CSPP1: variants seen among roughly 807,000 people sequenced by gnomAD.
The protein encoded by CSPP1 is centrosome and spindle pole associated protein 1.
CSPP1 carries 126 observed loss-of-function variants against 164.4 expected under a neutral mutation model. The ratio of observed to expected loss-of-function variants is 0.77; its 90% CI spans 0.66 to 0.89. The LOEUF (loss-of-function observed/expected upper bound fraction) is 0.89. Ranked by LOEUF, CSPP1 falls within the 40% of genes least tolerant of loss-of-function variation. The pLI is 0.00. For missense variants in CSPP1, 1,395 were observed against 1,449.8 expected (o/e 0.96, Z 0.61); for synonymous variants, 472 against 476.7 (o/e 0.99, Z 0.13).
At chr8:67,101,315 G>T (rs1814066711) in intron 7 of CSPP1, among the ~76,000 whole-genome samples, 1 of 152,140 alleles carries the variant, frequency 6.6e-6, no homozygotes, top group African/African-American at 2.4e-5. Flanking sequence ...GCTCTTATCA[G>T]TTCTGCCAGT....
intron 3 of CSPP1, among the ~76,000 whole-genome samples, chr8:67,078,974 TAA>T (rs539954750): frequency 1.3e-5 from 2 of 150,480 alleles, no homozygotes; most frequent in Admixed American, 6.6e-5. Flanking sequence ...TCCATCTCAA[TAA>T]AAAAAAAGAG....
At chr8:67,140,869 G>T (rs1486151842) in intron 17 of CSPP1, among the ~76,000 whole-genome samples, 1 of 152,098 alleles carries the variant, frequency 6.6e-6, no homozygotes, top group East Asian at 1.9e-4. Context: ...GATTTTGTTG[G>T]GGCCTGGCCT....
intron 7 of CSPP1, among the ~76,000 whole-genome samples, chr8:67,098,362 T>C (rs1813281567): frequency 6.6e-6 from 1 of 151,128 alleles, no homozygotes; most frequent in Admixed American, 6.6e-5. Flanking sequence ...AATAATTTTT[T>C]ATTTTTGGTT....
chr8:67,186,419 A>T (rs1235387729), intron 28 of CSPP1, among the ~76,000 whole-genome samples: 4 of 23,186 alleles, frequency 1.7e-4, no homozygotes, highest in Admixed American at 3.4e-4. Context: ...GTTTTAAATT[A>T]AAAAAAAAAA....
At chr8:67,069,243 G>T (rs1806210530) in intron 1 of CSPP1, 1 of 152,082 alleles carries the variant, frequency 6.6e-6, no homozygotes, top group Non-Finnish European at 1.5e-5. Flanking sequence ...TAGTGTCTTT[G>T]ACTCTTTAAT....
intron 4 of CSPP1, among the ~76,000 whole-genome samples, chr8:67,088,378 C>A (rs978007771): frequency 6.6e-6 from 1 of 151,704 alleles, no homozygotes; most frequent in African/African-American, 2.4e-5. Context: ...ATCTCAGCCT[C>A]CTGGGTTCAA....
At chr8:67,122,320 C>G (rs72654947) in intron 15 of CSPP1, among the ~76,000 whole-genome samples, 7,733 of 151,864 alleles carry the variant, frequency 0.051, 258 homozygotes, top group Non-Finnish European at 0.073. Context: ...AGATGAAAAT[C>G]TAGATTATTG....
intron 29 of CSPP1, among the ~76,000 whole-genome samples, chr8:67,191,508 A>C (rs1039841385): frequency 2.0e-5 from 3 of 152,214 alleles, no homozygotes; most frequent in Non-Finnish European, 4.4e-5. Context: ...TTTTCTGGAC[A>C]TTTCGTATAA....
Position 67,078,959 on chromosome 8 carries a change from G to A in CSPP1, c.199+2378G>A, listed in dbSNP as rs561047883. ...TGCACTCCAGCCTGGGTGACAGAGA[G>A]AGACTCCATCTCAATAAAAAAAAAG... is the stretch of plus-strand genomic sequence containing the variant. On this transcript the variant is annotated intron_variant, in intron 3 of 30. Transcript: ENST00000678616. Among the ~76,000 whole-genome samples the A allele has an allele frequency of 2.7e-4, 41 of 152,152 alleles. 1 individual carries two copies. In the South Asian group the frequency reaches 5.6e-3, roughly 21 times the overall value.
chr8:67,126,685 T>A (rs1820138437), intron 15 of CSPP1, among the ~76,000 whole-genome samples: 1 of 152,200 alleles, frequency 6.6e-6, no homozygotes, highest in Middle Eastern at 3.2e-3. Context: ...ATCCATATAA[T>A]TGCACATACA....
intron 5 of CSPP1, 97 bp from the exon 6 acceptor site, chr8:67,093,446 A>G: frequency 1.4e-6 from 1 of 704,566 alleles, no homozygotes; most frequent in Non-Finnish European, 2.5e-6. Context: ...AAGAGTTCTG[A>G]TATGTATGAT....
rs143589181 is a variant in CSPP1 at position 67,098,066 on chromosome 8, A to T, written c.923+2334A>T. On this transcript the variant is annotated intron_variant, in intron 7 of 30. Coordinates refer to ENST00000678616, the MANE Select transcript of CSPP1 (RefSeq NM_001382391.1). ...TATTTCCAGCAAAAAAAAAAAAAAG[A>T]CCAGTCATTCAGTAGTTTATAAATA... Among the ~76,000 whole-genome samples, 7 of 150,418 alleles carry T rather than the reference A, an allele frequency of 4.7e-5. No individual in the cohort carries two copies. In the East Asian group the frequency reaches 1.4e-3, roughly 29 times the overall value.
intron 17 of CSPP1, among the ~76,000 whole-genome samples, chr8:67,137,831 T>C (rs533504541): frequency 6.6e-6 from 1 of 152,228 alleles, no homozygotes; most frequent in Non-Finnish European, 1.5e-5. Flanking sequence ...CATCCTCCGA[T>C]GTTGATAACC....
At chr8:67,079,574 C>A (rs925198798) in intron 3 of CSPP1, among the ~76,000 whole-genome samples, 1 of 152,172 alleles carries the variant, frequency 6.6e-6, no homozygotes, top group African/African-American at 2.4e-5. Context: ...GTTTTACAGT[C>A]TAGCCCCGTG....
chr8:67,124,815 A>G (rs1431090979), intron 15 of CSPP1, among the ~76,000 whole-genome samples: 1 of 152,084 alleles, frequency 6.6e-6, no homozygotes, highest in Non-Finnish European at 1.5e-5. Flanking sequence ...CCAAGTAGCT[A>G]CTACTCCCAC....
chr8:67,163,686 G>A lies in CSPP1; in HGVS notation c.2644-46G>A, dbSNP rs368646882. 8 of 1,418,448 alleles carry A rather than the reference G, an allele frequency of 5.6e-6. No homozygotes were observed. In the African/African-American group the frequency reaches 1.0e-4, roughly 18 times the overall value. 87.9% of individuals were successfully genotyped at this position (1,418,448 alleles called of 1,614,324 possible). On this transcript the variant is annotated intron_variant, in intron 22 of 30. Transcript: ENST00000678616. Reference sequence around the variant, plus strand: ...AAAATTACTCCCTTCAAGCTTCTGTGTAGGGAAGACATACTGAACATGTCT... The same window carrying A: ...AAAATTACTCCCTTCAAGCTTCTGTATAGGGAAGACATACTGAACATGTCT...
chr8:67,166,213 A>G (rs999643005), intron 24 of CSPP1, among the ~76,000 whole-genome samples: 1 of 152,142 alleles, frequency 6.6e-6, no homozygotes, highest in African/African-American at 2.4e-5. Context: ...TATTTCTCCA[A>G]GGAGCCCTGG....
At chr8:67,176,416 G>T (rs1831646342) in intron 26 of CSPP1, among the ~76,000 whole-genome samples, 1 of 152,154 alleles carries the variant, frequency 6.6e-6, no homozygotes, top group Non-Finnish European at 1.5e-5. Flanking sequence ...CAGATCATAG[G>T]TCAAGACTTC....
At chr8:67,138,309 C>T (rs1157759896) in intron 17 of CSPP1, among the ~76,000 whole-genome samples, 5 of 152,020 alleles carry the variant, frequency 3.3e-5, no homozygotes, top group African/African-American at 4.8e-5. Context: ...GTAAAGTGTT[C>T]GCATATAACC....
Sources: allele counts gnomAD v4.1 joint callset (sites outside exome capture counted in the v4.1 genomes callset), GRCh38; gene constraint gnomAD v4.1.1; transcripts MANE v1.5; gene names NCBI Gene and HGNC (gene_info 2026-07-23, HGNC 2026-07-21).